Variants in STX8 observed in about 807,000 individuals in gnomAD.
STX8 encodes the protein syntaxin 8.
A neutral mutation model predicts 37.5 loss-of-function variants in STX8; 23 were observed. The ratio of observed to expected loss-of-function variants is 0.61; its 90% confidence interval spans 0.44 to 0.87. The LOEUF is 0.87. Among genes scored for constraint, STX8 ranks in the 40% least tolerant of loss-of-function variants. The pLI is 0.00. For synonymous variants in STX8, 115 were observed against 99.1 expected (o/e 1.16, Z -0.95); for missense variants, 313 against 284.7 (o/e 1.10, Z -0.71).
chr17:9,513,410 AC>A, intron 4 of STX8, among the ~76,000 whole-genome samples: 1 of 152,334 alleles, frequency 6.6e-6, no homozygotes, highest in South Asian at 2.1e-4. Context: ...AAATGCGCCA[AC>A]AAATATATAC....
chr17:9,427,903 C>A (rs1310885149), intron 6 of STX8, among the ~76,000 whole-genome samples: 1 of 152,204 alleles, frequency 6.6e-6, no homozygotes, highest in African/African-American at 2.4e-5. Flanking sequence ...TGTAACTCTA[C>A]TCCGGCAATT....
chr17:9,304,147 GA>G (rs35423875), intron 7 of STX8, among the ~76,000 whole-genome samples: 35,181 of 150,622 alleles, frequency 0.23, 5,422 homozygotes, highest in African/African-American at 0.44. Context: ...AGACTGTTAA[GA>G]AAAAAAAAGG....
At chr17:9,389,543 ATAT>A (rs1912136307) in intron 6 of STX8, among the ~76,000 whole-genome samples, 1 of 152,236 alleles carries the variant, frequency 6.6e-6, no homozygotes, top group African/African-American at 2.4e-5. Flanking sequence ...GGATTAAGAA[ATAT>A]TATATGATGT....
intron 6 of STX8, among the ~76,000 whole-genome samples, chr17:9,423,835 C>T (rs988801352): frequency 1.3e-5 from 2 of 152,124 alleles, no homozygotes; most frequent in Admixed American, 1.3e-4. Flanking sequence ...TTAAAGACGC[C>T]GTCCATATCA....
intron 7 of STX8, among the ~76,000 whole-genome samples, chr17:9,277,178 C>A (rs928439270): frequency 1.3e-5 from 2 of 152,084 alleles, no homozygotes; most frequent in Non-Finnish European, 2.9e-5. Context: ...AGGTTTAATG[C>A]GGATGAACAT....
chr17:9,266,737 C>CT (rs1187742880), intron 7 of STX8, among the ~76,000 whole-genome samples: 1 of 151,982 alleles, frequency 6.6e-6, no homozygotes, highest in African/African-American at 2.4e-5. Context: ...GTGACATGGA[C>CT]TATATATAAC....
intron 7 of STX8, among the ~76,000 whole-genome samples, chr17:9,332,155 G>C (rs1909981387): frequency 6.6e-6 from 1 of 152,152 alleles, no homozygotes; most frequent in Non-Finnish European, 1.5e-5. Flanking sequence ...GGATTTCTTA[G>C]CTGAAAAATT....
chr17:9,373,270 T>C lies in STX8; in HGVS notation c.643+5282A>G, dbSNP rs567024309. Reference sequence around the variant, plus strand: ...ATTTTATCCAACAACTCCACTTCTGTATATATACACAAAAAAGGAAAGACT... The same window carrying C: ...ATTTTATCCAACAACTCCACTTCTGCATATATACACAAAAAAGGAAAGACT... On this transcript the variant is annotated intron_variant, in intron 7 of 7. Coordinates refer to ENST00000306357, the MANE Select transcript of STX8 (RefSeq NM_004853.3). Among the ~76,000 whole-genome samples, 170 of 152,288 alleles carry C rather than the reference T, an allele frequency of 1.1e-3. 1 individual carries two copies. Among genetic ancestry groups the C allele is most frequent in the African/African-American group, 3.9e-3 (161 of 41,572 alleles).
At chr17:9,276,071 G>A (rs535587648) in intron 7 of STX8, among the ~76,000 whole-genome samples, 1 of 147,316 alleles carries the variant, frequency 6.8e-6, no homozygotes, top group Non-Finnish European at 1.5e-5. Context: ...GCTGAGGTGT[G>A]AGTCAAGGTG....
intron 6 of STX8, among the ~76,000 whole-genome samples, chr17:9,472,367 T>A (rs1243283916): frequency 6.6e-6 from 1 of 152,196 alleles, no homozygotes; most frequent in East Asian, 1.9e-4. Flanking sequence ...TAAGTACATT[T>A]TAGTGGGTAG....
intron 7 of STX8, among the ~76,000 whole-genome samples, chr17:9,257,794 C>A (rs1312827497): frequency 2.0e-5 from 3 of 152,216 alleles, no homozygotes; most frequent in African/African-American, 4.8e-5. Flanking sequence ...TTGAGACCAG[C>A]CTGGCCAGCA....
At chr17:9,304,170 G>T (rs2142181426) in intron 7 of STX8, among the ~76,000 whole-genome samples, 1 of 152,136 alleles carries the variant, frequency 6.6e-6, no homozygotes, top group Middle Eastern at 3.4e-3. Context: ...AATACAAATG[G>T]TCATTAAAAT....
At chr17:9,345,223 T>C (rs1278701922) in intron 7 of STX8, among the ~76,000 whole-genome samples, 1 of 152,000 alleles carries the variant, frequency 6.6e-6, no homozygotes, top group Non-Finnish European at 1.5e-5. Context: ...CAATCTCAGC[T>C]CACTGAAACC....
chr17:9,490,851 C>T (rs1055347605), intron 6 of STX8, among the ~76,000 whole-genome samples: 8 of 152,110 alleles, frequency 5.3e-5, no homozygotes, highest in Non-Finnish European at 8.8e-5. Flanking sequence ...CACTCATAAG[C>T]GATGTGGTCT....
chr17:9,456,839 C>T (rs1319929356), intron 6 of STX8, among the ~76,000 whole-genome samples: 1 of 152,116 alleles, frequency 6.6e-6, no homozygotes, highest in Admixed American at 6.5e-5. Flanking sequence ...AGTTATTACA[C>T]TTACTATGAA....
At chr17:9,273,415 A>G (rs1354796694) in intron 7 of STX8, 1 of 152,254 alleles carries the variant, frequency 6.6e-6, no homozygotes, top group Non-Finnish European at 1.5e-5. Context: ...AGGTTTAACT[A>G]AGATGGGGGT....
intron 7 of STX8, among the ~76,000 whole-genome samples, chr17:9,338,332 G>A (rs1910207900): frequency 6.6e-6 from 1 of 152,128 alleles, no homozygotes; most frequent in Admixed American, 6.6e-5. Context: ...GGGATTACAG[G>A]CGTGAGCCAC....
intron 7 of STX8, among the ~76,000 whole-genome samples, chr17:9,297,234 G>A (rs143664077): frequency 2.1e-4 from 28 of 131,490 alleles, no homozygotes; most frequent in African/African-American, 7.1e-4. Flanking sequence ...CATATGCCCA[G>A]AGTTTGCAAA....
At chr17:9,317,693 G>T (rs2142199954) in intron 7 of STX8, among the ~76,000 whole-genome samples, 1 of 152,076 alleles carries the variant, frequency 6.6e-6, no homozygotes, top group East Asian at 1.9e-4. Context: ...GTGAACCCGG[G>T]AGGTGGAGCT....
Sources: allele counts gnomAD v4.1 joint callset (sites outside exome capture counted in the v4.1 genomes callset), GRCh38; gene constraint gnomAD v4.1.1; transcripts MANE v1.5; gene names NCBI Gene and HGNC (gene_info 2026-07-23, HGNC 2026-07-21).